Variants in TTC6 observed in about 807,000 individuals in gnomAD.
The protein encoded by TTC6 is tetratricopeptide repeat protein 6.
Under a neutral mutation model 210.4 loss-of-function variants are expected in TTC6, and 172 were observed. The observed-to-expected ratio is 0.82, with a 90% CI of 0.72 to 0.93. The LOEUF (loss-of-function observed/expected upper bound fraction) is 0.93, where lower values mean the gene tolerates loss of function less well. Ranked by LOEUF, TTC6 falls within the 40% of genes least tolerant of loss-of-function variation. The pLI, the probability that TTC6 is intolerant of heterozygous loss-of-function variation, is 0.00. For missense variants in TTC6, 2,414 were observed against 2,318.1 expected (o/e 1.04, Z -0.85); for synonymous variants, 804 against 819.6 (o/e 0.98, Z 0.32).
At chr14:37,708,460 T>A (rs982278151) in intron 5 of TTC6, among the ~76,000 whole-genome samples, 1 of 152,230 alleles carries the variant, frequency 6.6e-6, no homozygotes, top group East Asian at 1.9e-4. Context: ...GCGTAATGAT[T>A]GACTAATCCA....
At chr14:37,776,146 G>A (rs1483913067) in intron 14 of TTC6, among the ~76,000 whole-genome samples, 1 of 23,912 alleles carries the variant, frequency 4.2e-5, no homozygotes, top group Non-Finnish European at 1.1e-4. Flanking sequence ...CGATTCCCGG[G>A]TTCACGCCAT....
chr14:37,717,260 A>G (rs142728210), intron 6 of TTC6, among the ~76,000 whole-genome samples: 78 of 152,132 alleles, frequency 5.1e-4, no homozygotes, highest in African/African-American at 1.8e-3. Flanking sequence ...AGGAAACTTA[A>G]TGAAAGAAAG....
At chr14:37,626,454 TTA>T (rs1156924607) in intron 1 of TTC6, among the ~76,000 whole-genome samples, 1 of 152,208 alleles carries the variant, frequency 6.6e-6, no homozygotes, top group African/African-American at 2.4e-5. Flanking sequence ...TACAAAAATG[TTA>T]TGTTATAAAA....
intron 2 of TTC6, among the ~76,000 whole-genome samples, chr14:37,680,806 G>A (rs977418628): frequency 6.6e-6 from 1 of 152,114 alleles, no homozygotes; most frequent in Non-Finnish European, 1.5e-5. Context: ...ACATAGAAAA[G>A]TGATAGCCTG....
chr14:37,665,539 T>C (rs1295171534), intron 1 of TTC6, among the ~76,000 whole-genome samples: 1 of 150,262 alleles, frequency 6.7e-6, no homozygotes, highest in African/African-American at 2.4e-5. Context: ...GAACAGCTAA[T>C]GGATGCTGGG....
intron 1 of TTC6, among the ~76,000 whole-genome samples, chr14:37,639,249 C>T (rs116422393): frequency 0.01 from 1,558 of 152,252 alleles, 33 homozygotes; most frequent in African/African-American, 0.036. Context: ...ATCAAATAAC[C>T]TACCAGGATC....
At chr14:37,741,749 T>C in intron 10 of TTC6, among the ~76,000 whole-genome samples, 1 of 152,192 alleles carries the variant, frequency 6.6e-6, no homozygotes. Flanking sequence ...ATTATGGCTG[T>C]GGAAAGTCAC....
exon 11 of TTC6, chr14:37,749,050 A>G (rs1457965443): frequency 1.3e-6 from 2 of 1,535,650 alleles, no homozygotes; most frequent in African/African-American, 2.7e-5. Flanking sequence ...ATTTTGAAAA[A>G]TTCGTCCAAG....
At position 37,812,911 on chromosome 14, in the gene TTC6, A is replaced by T. The variant is rs190593073; in HGVS notation, c.4689+478A>T. Among the ~76,000 whole-genome samples, 16 of 152,310 alleles carry T rather than the reference A, an allele frequency of 1.1e-4. No homozygotes were observed. In the East Asian group the frequency reaches 1.9e-3, roughly 18 times the overall value. ...GGCATTTAGAATCATACTAGAAAAA[A>T]GTATAGGCAAGGTTTTCAAAAGAAA... On this transcript the variant is annotated intron_variant, in intron 25 of 30. Coordinates refer to ENST00000553443, the Ensembl canonical transcript of TTC6.
chr14:37,765,015 G>A (rs971272546), intron 14 of TTC6, among the ~76,000 whole-genome samples: 1 of 150,864 alleles, frequency 6.6e-6, no homozygotes, highest in Non-Finnish European at 1.5e-5. Flanking sequence ...TTGTCTTTGT[G>A]ATTACCTTTG....
chr14:37,682,767 A>G (rs1175264815), exon 3 of TTC6: 24 of 1,535,556 alleles, frequency 1.6e-5, no homozygotes, highest in Non-Finnish European at 2.1e-5. Flanking sequence ...GAGCGTGCAT[A>G]AGGAACTTTC....
intron 27 of TTC6, among the ~76,000 whole-genome samples, chr14:37,825,750 AATTT>A (rs1196958807): frequency 2.6e-5 from 4 of 152,110 alleles, no homozygotes; most frequent in African/African-American, 9.7e-5. Context: ...TTAGTTTATT[AATTT>A]ATTATTCAAT....
chr14:37,636,336 C>T (rs375142019), intron 1 of TTC6, among the ~76,000 whole-genome samples: 6 of 152,140 alleles, frequency 3.9e-5, no homozygotes, highest in African/African-American at 1.2e-4. Context: ...GTCAACTGCC[C>T]GTGGATCATA....
chr14:37,712,754 G>A lies in TTC6; in HGVS notation c.1572-1901G>A, dbSNP rs983817440. Among the ~76,000 whole-genome samples, 5 of 152,130 alleles carry A rather than the reference G, an allele frequency of 3.3e-5. No homozygotes were observed. In the South Asian group the frequency reaches 8.3e-4, roughly 25 times the overall value. On this transcript the variant is annotated intron_variant, in intron 5 of 30. Transcript: ENST00000553443. ...ACAGCACTATGGGGTAACCACTCCC[G>A]TAATTCAATTACCTCCCACCGGGTC...
intron 3 of TTC6, among the ~76,000 whole-genome samples, chr14:37,693,658 A>T (rs1413254413): frequency 6.6e-6 from 1 of 152,160 alleles, no homozygotes. Context: ...CAAAAACAAA[A>T]AATCTGGAGG....
At chr14:37,671,571 T>C (rs570498254) in intron 1 of TTC6, among the ~76,000 whole-genome samples, 2 of 152,302 alleles carry the variant, frequency 1.3e-5, no homozygotes, top group South Asian at 2.1e-4. Flanking sequence ...GGTTTTACAA[T>C]AGAAAACATG....
chr14:37,810,356 G>A (rs561099215), intron 24 of TTC6, among the ~76,000 whole-genome samples: 3 of 152,278 alleles, frequency 2.0e-5, no homozygotes, highest in African/African-American at 4.8e-5. Context: ...TCAGATATGC[G>A]AAAGAGCCAG....
At position 37,830,442 on chromosome 14, in the gene TTC6, G is replaced by A. The variant is rs145890756; in HGVS notation, c.5298+3076G>A. ...TTTCATTGTTCTGATTTTCTTCACT[G>A]GGGATACCAATTATATAGATGTTGT... On this transcript the variant is annotated intron_variant, in intron 29 of 30. Transcript: ENST00000553443. Among the ~76,000 whole-genome samples, 62 of 151,574 alleles carry A rather than the reference G, an allele frequency of 4.1e-4. No homozygotes were observed. The East Asian group carries it at 0.01, about 26-fold the overall frequency.
chr14:37,809,909 C>G (rs2096126343), intron 24 of TTC6, among the ~76,000 whole-genome samples: 1 of 152,198 alleles, frequency 6.6e-6, no homozygotes, highest in South Asian at 2.1e-4. Context: ...TTGTCTCACT[C>G]TCCTTATTCC....
Sources: gnomAD v4.1 joint callset for allele counts (sites outside exome capture counted in the v4.1 genomes callset) on GRCh38, gnomAD v4.1.1 for gene constraint, MANE v1.5 for transcripts, NCBI Gene and HGNC (gene_info 2026-07-23, HGNC 2026-07-21) for gene names.